SPATA31C2: variants seen among roughly 807,000 people sequenced by gnomAD.
The protein encoded by SPATA31C2 is spermatogenesis-associated protein 31C2.
Under a neutral mutation model 11.4 loss-of-function variants are expected in SPATA31C2, and 5 were observed. The observed-to-expected ratio is 0.44, with a 90% CI of 0.23 to 0.92. The LOEUF is 0.92. Among genes scored for constraint, SPATA31C2 ranks in the 40% least tolerant of loss-of-function variants. SPATA31C2 has a pLI of 0.24. For missense variants in SPATA31C2, 1,353 were observed against 1,368.6 expected, an observed-to-expected ratio of 0.99 and a Z score of 0.18; for synonymous variants, 515 against 538.7, an observed-to-expected ratio of 0.96 and a Z score of 0.61.
At chr9:88,137,539 C>T (rs1587691491) in intron 1 of SPATA31C2, among the ~76,000 whole-genome samples, 1 of 140,136 alleles carries the variant, frequency 7.1e-6, no homozygotes, top group Non-Finnish European at 1.5e-5. Context: ...AGGAGAATAG[C>T]TTGAACTCTG....
At chr9:88,133,498 C>G in intron 2 of SPATA31C2, 96 bp downstream of exon 2, 3 of 1,512,746 alleles carry the variant, frequency 2.0e-6, no homozygotes, top group Non-Finnish European at 2.7e-6. Flanking sequence ...CCTAGGAGCC[C>G]CCACCTCAGG....
Position 88,130,388 on chromosome 9 carries a change from C to G in SPATA31C2, c.2649G>C (p.Gly883=), listed in dbSNP as rs754300192. The change falls in exon 4 of 4, where the codon GGG becomes GGC. Residue 883 remains glycine (G), a synonymous_variant. Coordinates refer to ENST00000324915, the MANE Select transcript of SPATA31C2 (RefSeq NM_001350978.3). ...AAGCATGGGGCACAACAGATGCTTGCCCATCTGGAAGGAGCACAACAGTGG... is the reference window on the plus strand; with the variant it reads ...AAGCATGGGGCACAACAGATGCTTGGCCATCTGGAAGGAGCACAACAGTGG... The part of the protein sequence containing the change: ...VSATVVLLPD[G]QASVVPHASE... 2 of 1,611,252 alleles carry G rather than the reference C, an allele frequency of 1.2e-6. No individual in the cohort carries two copies. The highest frequency in any genetic ancestry group is 1.7e-6 in the Non-Finnish European group (2 of 1,179,442).
rs1014363598 is a variant in SPATA31C2, at chr9:88,132,391, T to C, written c.646A>G (p.Thr216Ala). Residue 216 changes from threonine (T) to alanine (A), a missense_variant, in exon 4 of 4, where the codon ACT (threonine) becomes GCT (alanine). Physicochemically the swap from Thr to Ala is moderately conservative, Grantham distance 58. This residue lies in a region of SPATA31C2 where 1,075 missense variants were observed against 992.8 expected (regional missense o/e 1.08). Transcript: ENST00000324915. ...PPALFPHPPR[T>A]PDPLACSPPP... Reference sequence around the variant, plus strand: ...GGAGAGCAGGCCAGAGGATCAGGAGTGCGTGGTGGGTGAGGGAAAAGTGCA... The same window carrying C: ...GGAGAGCAGGCCAGAGGATCAGGAGCGCGTGGTGGGTGAGGGAAAAGTGCA... 6.2e-6 allele frequency: 10 copies of C among 1,608,680 alleles called. No individual in the cohort carries two copies. The East Asian group carries it at 1.3e-4, about 22-fold the overall frequency.
Position 88,129,826 on chromosome 9 carries a change from G to T in SPATA31C2, c.3211C>A (p.His1071Asn). 1 of 1,604,632 alleles carries T rather than the reference G, an allele frequency of 6.2e-7. No individual in the cohort carries two copies. The highest frequency in any genetic ancestry group is 8.5e-7 in the Non-Finnish European group (1 of 1,173,900). The stretch of plus-strand genomic sequence containing the variant: ...TTTACCTTCGAGGCATGGCGCGCAT[G>T]GCAAAGTGACATGTTCTCCTCCAGT... ...QILEENMSLC[H>N]ARHASKVNQQ... is the part of the protein sequence containing the mutation. The change falls in exon 4 of 4, where the codon CAT becomes AAT. Residue 1071 changes from histidine (H) to asparagine (N), a missense_variant. Physicochemically the swap from His to Asn is moderately conservative, Grantham distance 68. Transcript: ENST00000324915.
In SPATA31C2 at chr9:88,132,011, T is replaced by A; in HGVS notation, c.1026A>T (p.Gln342His). The A allele has an allele frequency of 6.2e-7, 1 of 1,610,822 alleles. No homozygotes were observed. The highest frequency in any genetic ancestry group is 1.3e-5 in the African/African-American group (1 of 74,928). Reference protein sequence around the residue: ...ESQPFISSTPQFWPTPMAQAE... With the variant: ...ESQPFISSTPHFWPTPMAQAE... ...CCTGAGCCATAGGTGTGGGCCAGAATTGGGGTGTGGATGAAATAAAGGGTT... is the reference window on the plus strand; with the variant it reads ...CCTGAGCCATAGGTGTGGGCCAGAAATGGGGTGTGGATGAAATAAAGGGTT... The change falls in exon 4 of 4, where the codon CAA becomes CAT. Residue 342 changes from glutamine (Q) to histidine (H), a missense_variant. Gln to His is a conservative substitution (Grantham distance 24). Around this residue, in one of 6 missense-constraint regions of SPATA31C2, gnomAD observed 1,075 missense variants for 992.8 expected, o/e 1.08. Transcript: ENST00000324915.
chr9:88,133,467 A>G (rs1825633423), intron 2 of SPATA31C2, 127 bp downstream of exon 2: 32 of 1,310,850 alleles, frequency 2.4e-5, no homozygotes, highest in Non-Finnish European at 3.0e-5. Context: ...TCTGAGAAGG[A>G]CCCAGGGTTC....
chr9:88,131,207 G>A lies in SPATA31C2; in HGVS notation c.1830C>T (p.Ser610=). ...GATTGCTGGTTTTCACGTGGGTGTTGGAGACGGGAAAAGCCTGGTTGACAG... is the reference window on the plus strand; with the variant it reads ...GATTGCTGGTTTTCACGTGGGTGTTAGAGACGGGAAAAGCCTGGTTGACAG... ...WLAVNQAFPV[S]NTHVKTSNLA... is the part of the protein sequence containing the mutation. The change falls in exon 4 of 4, where the codon TCC becomes TCT. Residue 610 remains serine (S), a synonymous_variant. Transcript: ENST00000324915. 1 of 1,611,826 alleles carries A rather than the reference G, an allele frequency of 6.2e-7. No individual in the cohort carries two copies. The highest frequency in any genetic ancestry group is 8.5e-7 in the Non-Finnish European group (1 of 1,179,864).
intron 1 of SPATA31C2, among the ~76,000 whole-genome samples, chr9:88,135,315 C>T (rs1297074822): frequency 9.0e-6 from 1 of 111,106 alleles, no homozygotes; most frequent in Non-Finnish European, 1.6e-5. Context: ...CTGTAGTTGA[C>T]TCTGAAATTT....
At chr9:88,135,620 T>A (rs1403182592) in intron 1 of SPATA31C2, among the ~76,000 whole-genome samples, 2 of 137,064 alleles carry the variant, frequency 1.5e-5, no homozygotes, top group Non-Finnish European at 3.1e-5. Flanking sequence ...CCAGCCATTC[T>A]CCTGTCTCAG....
In SPATA31C2 at chr9:88,132,048, T is replaced by C. The variant is rs642381; in HGVS notation, c.989A>G (p.Glu330Gly). ...LFQAQPLSHLEPESQPFISST... is the reference protein window; with the variant it reads ...LFQAQPLSHLGPESQPFISST... ...TGAAATAAAGGGTTGGGACTCAGGC[T>C]CCAGATGGGACAGGGGCTGGGCCTG... The change falls in exon 4 of 4, where the codon GAG becomes GGG. Residue 330 changes from glutamate to glycine, a missense_variant. Physicochemically the swap from Glu to Gly is moderately conservative, Grantham distance 98. Coordinates refer to ENST00000324915, the MANE Select transcript of SPATA31C2 (RefSeq NM_001350978.3). 5.2e-5 allele frequency: 84 copies of C among 1,610,644 alleles called. No individual in the cohort carries two copies. Among genetic ancestry groups the C allele is most frequent in the Admixed American group, 3.8e-4 (23 of 59,794 alleles).
In SPATA31C2 at chr9:88,131,178, G is replaced by T; in HGVS notation, c.1859C>A (p.Ala620Glu). The T allele has an allele frequency of 6.2e-7, 1 of 1,611,752 alleles. No individual in the cohort carries two copies. Among genetic ancestry groups the T allele is most frequent in the South Asian group, 1.1e-5 (1 of 90,984 alleles). The change falls in exon 4 of 4, where the codon GCA becomes GAA. Residue 620 changes from alanine to glutamate, a missense_variant. Around this residue, in one of 6 missense-constraint regions of SPATA31C2, gnomAD observed 1,075 missense variants for 992.8 expected, o/e 1.08. Coordinates refer to ENST00000324915, the MANE Select transcript of SPATA31C2 (RefSeq NM_001350978.3). ...ACAGGCTTTCCTGCTTTTCGGGGCT[G>T]CTAGATTGCTGGTTTTCACGTGGGT... ...SNTHVKTSNL[A>E]APKSRKACVN...
In SPATA31C2 at chr9:88,132,004, G is replaced by A. The variant is rs774753332; in HGVS notation, c.1033C>T (p.Pro345Ser). 2 of 1,611,030 alleles carry A rather than the reference G, an allele frequency of 1.2e-6. No individual in the cohort carries two copies. Among genetic ancestry groups the A allele is most frequent in the Admixed American group, 3.3e-5 (2 of 59,844 alleles). ...GCCTCGGCCTGAGCCATAGGTGTGG[G>A]CCAGAATTGGGGTGTGGATGAAATA... ...PFISSTPQFW[P>S]TPMAQAEAQA... is the part of the protein sequence containing the mutation. Residue 345 changes from proline (P) to serine (S), a missense_variant, in exon 4 of 4, where the codon CCC (proline) becomes TCC (serine). Pro to Ser is a moderately conservative substitution (Grantham distance 74). Around this residue, in one of 6 missense-constraint regions of SPATA31C2, gnomAD observed 1,075 missense variants for 992.8 expected, o/e 1.08. Coordinates refer to ENST00000324915, the MANE Select transcript of SPATA31C2 (RefSeq NM_001350978.3).
chr9:88,131,051 G>A lies in SPATA31C2; in HGVS notation c.1986C>T (p.Pro662=), dbSNP rs774101258. The part of the protein sequence containing the change: ...RFWAKHRWGL[P]LRVLKPIQCF... ...ACTGAATGGGCTTGAGGACCCTGAG[G>A]GGTAGACCCCACCTGTGTTTGGCCC... is the stretch of plus-strand genomic sequence containing the variant. Residue 662 remains proline (P), a synonymous_variant, in exon 4 of 4, where the codon CCC becomes CCT. Transcript: ENST00000324915. 9 of 1,611,894 alleles carry A rather than the reference G, an allele frequency of 5.6e-6. No homozygotes were observed. The highest frequency in any genetic ancestry group is 7.6e-6 in the Non-Finnish European group (9 of 1,179,868).
Position 88,130,064 on chromosome 9 carries a change from A to G in SPATA31C2, c.2973T>C (p.Asn991=), listed in dbSNP as rs562874364. The G allele has an allele frequency of 6.2e-7, 1 of 1,608,038 alleles. No individual in the cohort carries two copies. Among genetic ancestry groups the G allele is most frequent in the South Asian group, 1.1e-5 (1 of 90,910 alleles). ...TTGATGGCAGTAGCTGGACGCCTTC[A>G]TTCTGACGGGTGTCTTCTGTTTTCC... ...PGRKTEDTRQ[N]EGVQLLPSKK... Residue 991 remains asparagine (N), a synonymous_variant, in exon 4 of 4, where the codon AAT becomes AAC. Transcript: ENST00000324915.
chr9:88,132,542 G>T lies in SPATA31C2; in HGVS notation c.495C>A (p.Thr165=). 6.2e-7 allele frequency: 1 copy of T among 1,610,784 alleles called. No homozygotes were observed. Among genetic ancestry groups the T allele is most frequent in the Non-Finnish European group, 8.5e-7 (1 of 1,177,864 alleles). The change falls in exon 4 of 4, where the codon ACC becomes ACA. Residue 165 remains threonine, a synonymous_variant. Transcript: ENST00000324915. ...VSPLASPDPR[T]KHPQDLASTP... ...TGGAGGCCAGATCCTGAGGATGCTT[G>T]GTTCGAGGATCCGGGGAAGCTAACG...
chr9:88,130,727 A>G lies in SPATA31C2; in HGVS notation c.2310T>C (p.Ser770=), dbSNP rs754923134. 5 of 1,613,714 alleles carry G rather than the reference A, an allele frequency of 3.1e-6. No individual in the cohort carries two copies. In the South Asian group the frequency reaches 4.4e-5, roughly 14 times the overall value. The change falls in exon 4 of 4, where the codon TCT becomes TCC. Residue 770 remains serine (S), a synonymous_variant. Transcript: ENST00000324915. ...CTGTGAGGCTGTATGTGAGGGGCTT[A>G]GATGGCCACCTGCCCTCCTGTCCAG... ...PTAGQEGRWP[S]KPLTYSLTGS...
chr9:88,131,381 C>T lies in SPATA31C2; in HGVS notation c.1656G>A (p.Arg552=). The change falls in exon 4 of 4, where the codon AGG becomes AGA. Residue 552 remains arginine, a synonymous_variant. Coordinates refer to ENST00000324915, the MANE Select transcript of SPATA31C2 (RefSeq NM_001350978.3). ...ATSEESERNL[R]KPLRSDSGSD... ...TTCCTGAGTCACTCCTCAAGGGCTT[C>T]CTCAGGTTCCTTTCCGACTCCTCAG... The T allele has an allele frequency of 1.9e-6, 3 of 1,612,006 alleles. No homozygotes were observed. The highest frequency in any genetic ancestry group is 2.5e-6 in the Non-Finnish European group (3 of 1,179,868).
intron 1 of SPATA31C2, among the ~76,000 whole-genome samples, chr9:88,137,365 C>T (rs1425636517): frequency 2.0e-5 from 3 of 147,144 alleles, no homozygotes; most frequent in African/African-American, 5.0e-5. Context: ...TGGCTCATGC[C>T]TGTAATCCCA....
chr9:88,132,070 C>A lies in SPATA31C2; in HGVS notation c.967G>T (p.Ala323Ser), dbSNP rs1323609828. The A allele has an allele frequency of 6.2e-7, 1 of 1,610,600 alleles. No homozygotes were observed. The highest frequency in any genetic ancestry group is 1.3e-5 in the African/African-American group (1 of 74,816). Reference protein sequence around the residue: ...DTTMSPLLFQAQPLSHLEPES... With the variant: ...DTTMSPLLFQSQPLSHLEPES... ...GGCTCCAGATGGGACAGGGGCTGGGCCTGGAAAAGCAGTGGGGACATTGTA... is the reference window on the plus strand; with the variant it reads ...GGCTCCAGATGGGACAGGGGCTGGGACTGGAAAAGCAGTGGGGACATTGTA... Residue 323 changes from alanine to serine, a missense_variant, in exon 4 of 4, where the codon GCC becomes TCC. Around this residue, in one of 6 missense-constraint regions of SPATA31C2, gnomAD observed 1,075 missense variants for 992.8 expected, o/e 1.08. Transcript: ENST00000324915.
Sources: allele counts gnomAD v4.1 joint callset (sites outside exome capture counted in the v4.1 genomes callset), GRCh38; gene constraint gnomAD v4.1.1; regional missense constraint gnomAD v4.1.1; transcripts MANE v1.5; gene names NCBI Gene and HGNC (gene_info 2026-07-23, HGNC 2026-07-21).